The following CAPS2 variants were observed in gnomAD, a reference collection of about 807,000 sequenced individuals.
The protein encoded by CAPS2 is calcyphosine 2.
In CAPS2, 98 loss-of-function variants were observed where a neutral mutation model predicts 86.5. That is an observed-to-expected ratio of 1.13 (90% confidence interval 0.96 to 1.34). The LOEUF is 1.34. CAPS2 is among the 40% of genes most tolerant of loss of function. CAPS2 has a pLI of 0.00. For missense variants in CAPS2, 729 were observed against 686.8 expected (o/e 1.06, Z -0.69); for synonymous variants, 210 against 225.1 (o/e 0.93, Z 0.60).
rs367793922 is a variant in CAPS2, at chr12:75,341,646, C to T, written c.-394-18424G>A. ...TATTTTTAGTGGAGACGCGGTTTCACCGTGTTAGCCAGGACGGTCACGATC... is the reference window on the plus strand; with the variant it reads ...TATTTTTAGTGGAGACGCGGTTTCATCGTGTTAGCCAGGACGGTCACGATC... On this transcript the variant is annotated intron_variant, in intron 1 of 5. Coordinates refer to the CAPS2 transcript ENST00000551829. Among the ~76,000 whole-genome samples the T allele has an allele frequency of 1.8e-3, 266 of 151,936 alleles. 1 individual carries two copies. Among genetic ancestry groups the T allele is most frequent in the African/African-American group, 6.0e-3 (247 of 41,422 alleles).
intron 1 of CAPS2, among the ~76,000 whole-genome samples, chr12:75,367,743 T>C (rs1416128225): frequency 6.6e-6 from 1 of 152,154 alleles, no homozygotes; most frequent in Non-Finnish European, 1.5e-5. Context: ...ATGTCTTCCG[T>C]TAAAAATAAT....
intron 1 of CAPS2, among the ~76,000 whole-genome samples, chr12:75,349,029 G>A (rs963980557): frequency 5.3e-5 from 8 of 152,192 alleles, no homozygotes; most frequent in African/African-American, 1.9e-4. Context: ...TACCAATACA[G>A]CTAGAGTTCA....
At chr12:75,349,260 T>C (rs1008337033) in intron 1 of CAPS2, among the ~76,000 whole-genome samples, 23 of 152,268 alleles carry the variant, frequency 1.5e-4, no homozygotes, top group African/African-American at 5.3e-4. Context: ...ATGTAAAACC[T>C]GAAAGGATCA....
At chr12:75,339,930 A>G (rs1449492896) in intron 1 of CAPS2, among the ~76,000 whole-genome samples, 1 of 152,022 alleles carries the variant, frequency 6.6e-6, no homozygotes, top group African/African-American at 2.4e-5. Context: ...ACTCTTCCCC[A>G]TGAGTCCCCA....
At chr12:75,387,869 A>T (rs2045371162) in intron 1 of CAPS2, among the ~76,000 whole-genome samples, 1 of 152,242 alleles carries the variant, frequency 6.6e-6, no homozygotes, top group South Asian at 2.1e-4. Flanking sequence ...ACAAATATCC[A>T]AACAATAGCA....
chr12:75,290,395 G>T (rs2035626646), intron 13 of CAPS2, among the ~76,000 whole-genome samples: 1 of 152,084 alleles, frequency 6.6e-6, no homozygotes. Flanking sequence ...CTTAAGAATA[G>T]ATTGGTAACT....
intron 8 of CAPS2, among the ~76,000 whole-genome samples, chr12:75,303,176 A>T (rs111782265): frequency 0.017 from 2,557 of 152,334 alleles, 67 homozygotes; most frequent in African/African-American, 0.052. Flanking sequence ...AACAATGAGA[A>T]TAAAAAAAGA....
chr12:75,379,160 G>A (rs1168266558), intron 1 of CAPS2, among the ~76,000 whole-genome samples: 4 of 151,978 alleles, frequency 2.6e-5, no homozygotes, highest in Non-Finnish European at 4.4e-5. Flanking sequence ...TTTTCTTTAA[G>A]TCAGATTCAA....
At chr12:75,335,466 T>A (rs937415212) in intron 1 of CAPS2, among the ~76,000 whole-genome samples, 1 of 152,216 alleles carries the variant, frequency 6.6e-6, no homozygotes, top group African/African-American at 2.4e-5. Context: ...ATGAATTGTA[T>A]GATTGGAAAT....
At chr12:75,380,641 G>A (rs1182093354) in intron 1 of CAPS2, among the ~76,000 whole-genome samples, 2 of 152,270 alleles carry the variant, frequency 1.3e-5, no homozygotes, top group South Asian at 2.1e-4. Flanking sequence ...TGAATTCAAT[G>A]AGTGAAAATA....
intron 13 of CAPS2, among the ~76,000 whole-genome samples, chr12:75,290,744 T>G (rs2035689897): frequency 6.6e-6 from 1 of 151,752 alleles, no homozygotes; most frequent in Admixed American, 6.6e-5. Flanking sequence ...AGCAAGACCC[T>G]GTCTCTACAA....
At chr12:75,387,880 T>C (rs1209186676) in intron 1 of CAPS2, among the ~76,000 whole-genome samples, 3 of 152,224 alleles carry the variant, frequency 2.0e-5, no homozygotes, top group Non-Finnish European at 4.4e-5. Context: ...AACAATAGCA[T>C]TTACTATAAC....
intron 1 of CAPS2, among the ~76,000 whole-genome samples, chr12:75,344,483 T>C (rs2042319900): frequency 6.6e-6 from 1 of 152,154 alleles, no homozygotes; most frequent in African/African-American, 2.4e-5. Context: ...TATTTTTACA[T>C]CTTCAATGAA....
At chr12:75,304,186 C>T (rs552687200) in intron 8 of CAPS2, among the ~76,000 whole-genome samples, 12 of 151,754 alleles carry the variant, frequency 7.9e-5, no homozygotes, top group South Asian at 2.1e-4. Context: ...TGGGACAAAA[C>T]GATTAAAAAA....
chr12:75,359,357 CTTTTTTTTTT>C (rs61616225), intron 1 of CAPS2, among the ~76,000 whole-genome samples: 6 of 28,600 alleles, frequency 2.1e-4, no homozygotes, highest in African/African-American at 4.2e-4. Context: ...GCATTGTTGT[CTTTTTTTTTT>C]TTTTTTTTTT....
At chr12:75,385,631 A>T (rs528882288) in intron 1 of CAPS2, among the ~76,000 whole-genome samples, 1 of 152,286 alleles carries the variant, frequency 6.6e-6, no homozygotes, top group African/African-American at 2.4e-5. Context: ...AAGAAAATAA[A>T]AGGTTTATAG....
intron 1 of CAPS2, chr12:75,343,606 A>C (rs1193892502): frequency 9.9e-7 from 1 of 1,011,356 alleles, no homozygotes; most frequent in African/African-American, 1.6e-5. Context: ...TAATAAATTT[A>C]AGCAAAACTT....
At chr12:75,339,464 T>C (rs557063339) in intron 1 of CAPS2, among the ~76,000 whole-genome samples, 9 of 152,324 alleles carry the variant, frequency 5.9e-5, no homozygotes, top group South Asian at 2.1e-4. Context: ...TAAATTTATT[T>C]AATCTCCTTA....
At chr12:75,337,706 A>G (rs1280803688) in intron 1 of CAPS2, among the ~76,000 whole-genome samples, 2 of 152,058 alleles carry the variant, frequency 1.3e-5, no homozygotes, top group Admixed American at 1.3e-4. Flanking sequence ...TATTTATCAC[A>G]TAAAGTCTCA....
Sources: gnomAD v4.1 joint callset for allele counts (sites outside exome capture counted in the v4.1 genomes callset) on GRCh38, gnomAD v4.1.1 for gene constraint, MANE v1.5 for transcripts, NCBI Gene and HGNC (gene_info 2026-07-23, HGNC 2026-07-21) for gene names.